Variants in TPSD1 observed in about 807,000 individuals in gnomAD.
TPSD1 encodes tryptase delta 1.
TPSD1 carries 30 observed loss-of-function variants against 25.4 expected under a neutral mutation model. The observed-to-expected ratio is 1.18, with a 90% CI of 0.88 to 1.60. TPSD1 has a LOEUF of 1.60. TPSD1 is among the 40% of genes most tolerant of loss of function. The pLI is 0.00. For synonymous variants in TPSD1, 176 were observed against 149.4 expected (o/e 1.18, Z -1.30); for missense variants, 420 against 324.2 (o/e 1.30, Z -2.27).
At position 1,256,280 on chromosome 16, in the gene TPSD1, G is replaced by T; in HGVS notation, c.-1G>T. The T allele has an allele frequency of 6.2e-7, 1 of 1,613,490 alleles. No homozygotes were observed. Among genetic ancestry groups the T allele is most frequent in the East Asian group, 2.2e-5 (1 of 44,878 alleles). The stretch of plus-strand genomic sequence containing the variant: ...CCCTGTGAGGCCCGGCCAGGCCCAC[G>T]ATGCTCCTCCTTGCTCCCCAGATGC... On this transcript the variant is annotated 5_prime_UTR_variant, in exon 1 of 5. Transcript: ENST00000211076.
Position 1,256,824 on chromosome 16 carries a change from G to T in TPSD1, c.282G>T (p.Arg94Ser). The change falls in exon 3 of 5, where the codon AGG (arginine) becomes AGT (serine). Residue 94 changes from arginine (R) to serine (S), a missense_variant. Coordinates refer to ENST00000211076, the MANE Select transcript of TPSD1 (RefSeq NM_012217.3). ...EPDIKDLAALRVQLREQHLYY... is the reference protein window; with the variant it reads ...EPDIKDLAALSVQLREQHLYY... ...ACATCAAGGATCTGGCCGCCCTCAG[G>T]GTGCAACTGCGGGAGCAGCACCTCT... 6.2e-7 allele frequency: 1 copy of T among 1,611,858 alleles called. No homozygotes were observed. Among genetic ancestry groups the T allele is most frequent in the Non-Finnish European group, 8.5e-7 (1 of 1,179,304 alleles).
At position 1,258,567 on chromosome 16, in the gene TPSD1, A is replaced by T; in HGVS notation, c.*191A>T. 1 of 1,552,136 alleles carries T rather than the reference A, an allele frequency of 6.4e-7. No individual in the cohort carries two copies. The highest frequency in any genetic ancestry group is 8.7e-7 in the Non-Finnish European group (1 of 1,142,930). ...CCTGTCCAAACCACCACTGCTTCCT[A>T]CCCAGGTGGTGACTGCCCCCCACAC... is the stretch of plus-strand genomic sequence containing the variant. On this transcript the variant is annotated 3_prime_UTR_variant, in exon 5 of 5. Coordinates refer to ENST00000211076, the MANE Select transcript of TPSD1 (RefSeq NM_012217.3).
intron 3 of TPSD1, chr16:1,257,403 C>T (rs35116045): frequency 0.38 from 150,454 of 397,854 alleles, 30,525 homozygotes; most frequent in Middle Eastern, 0.57. Flanking sequence ...AGGAGAGAGA[C>T]CGGTGCTGGG....
In TPSD1 at chr16:1,258,068, C is replaced by T. The variant is rs541658978; in HGVS notation, c.530C>T (p.Pro177Leu). The change falls in exon 4 of 5, where the codon CCG becomes CTG. Residue 177 changes from proline to leucine, a missense_variant. Physicochemically the swap from Pro to Leu is moderately conservative, Grantham distance 98. Coordinates refer to ENST00000211076, the MANE Select transcript of TPSD1 (RefSeq NM_012217.3). ...CCCCCTCCGCCCCCAGTGCACCTGC[C>T]GCCGCCATACCCGCTGAAGGAGGTG... ...WGDVDNNVHL[P>L]PPYPLKEVEV... is the part of the protein sequence containing the mutation. 8 of 1,581,750 alleles carry T rather than the reference C, an allele frequency of 5.1e-6. No homozygotes were observed. The highest frequency in any genetic ancestry group is 1.3e-5 in the African/African-American group (1 of 74,400).
Position 1,258,203 on chromosome 16 carries a change from A to G in TPSD1, c.665A>G (p.Glu222Gly), listed in dbSNP as rs778048499. 1.2e-6 allele frequency: 2 copies of G among 1,612,714 alleles called. No individual in the cohort carries two copies. Among genetic ancestry groups the G allele is most frequent in the Non-Finnish European group, 1.7e-6 (2 of 1,179,870 alleles). Reference protein sequence around the residue: ...VRDDMLCAGSENHDSCQGDSG... With the variant: ...VRDDMLCAGSGNHDSCQGDSG... ...GATGACATGCTGTGTGCGGGGAGCG[A>G]AAATCACGACTCCTGCCAGGTGGGC... is the stretch of plus-strand genomic sequence containing the variant. The change falls in exon 4 of 5, where the codon GAA becomes GGA. Residue 222 changes from glutamate (E) to glycine (G), a missense_variant. Physicochemically the swap from Glu to Gly is moderately conservative, Grantham distance 98. Coordinates refer to ENST00000211076, the MANE Select transcript of TPSD1 (RefSeq NM_012217.3).
At position 1,258,688 on chromosome 16, in the gene TPSD1, TCCCCCACCCTGA is replaced by T; in HGVS notation, c.*313_*324del. The stretch of plus-strand genomic sequence containing the variant: ...GATCCCCTCCCCCATCCTGAGCCCC[TCCCCCACCCTGA>T]GCCCCTTCCCCTTTCTTGAGCCCCC... On this transcript the variant is annotated 3_prime_UTR_variant, in exon 5 of 5. Coordinates refer to ENST00000211076, the MANE Select transcript of TPSD1 (RefSeq NM_012217.3). The T allele has an allele frequency of 4.8e-6, 1 of 209,974 alleles. No homozygotes were observed. Among genetic ancestry groups the T allele is most frequent in the Non-Finnish European group, 8.4e-6 (1 of 118,352 alleles). 13.0% of individuals were successfully genotyped at this position (209,974 alleles called of 1,614,324 possible).
At chr16:1,257,315 C>A (rs1180444284) in intron 3 of TPSD1, 29 of 569,488 alleles carry the variant, frequency 5.1e-5, no homozygotes, top group Non-Finnish European at 8.4e-5. Flanking sequence ...TTTCCCCTTG[C>A]CTGAAAGGGT....
At position 1,256,792 on chromosome 16, in the gene TPSD1, C is replaced by A; in HGVS notation, c.255-5C>A. ...GGGCCCTGAGTGGGATCCTCCGCTG[C>A]CCAGGGACATCAAGGATCTGGCCGC... On this transcript the variant is annotated splice_region_variant and splice_polypyrimidine_tract_variant and intron_variant, in intron 2 of 4. Coordinates refer to ENST00000211076, the MANE Select transcript of TPSD1 (RefSeq NM_012217.3). 2 of 1,612,380 alleles carry A rather than the reference C, an allele frequency of 1.2e-6. No individual in the cohort carries two copies. Among genetic ancestry groups the A allele is most frequent in the Non-Finnish European group, 8.5e-7 (1 of 1,179,896 alleles).
At chr16:1,256,771 C>T in intron 2 of TPSD1, 26 bp from the exon 3 acceptor site, 1 of 1,612,166 alleles carries the variant, frequency 6.2e-7, no homozygotes, top group Non-Finnish European at 8.5e-7. Flanking sequence ...TGCCCAGGGC[C>T]CTGAGTGGGA....
intron 3 of TPSD1, chr16:1,257,844 C>T: frequency 1.6e-6 from 1 of 615,286 alleles, no homozygotes; most frequent in South Asian, 2.0e-5. Flanking sequence ...CCCTCCCCTC[C>T]CTTCCCCAGA....
At chr16:1,257,154 G>A in intron 3 of TPSD1, 92 bp downstream of exon 3, 3 of 1,470,336 alleles carry the variant, frequency 2.0e-6, no homozygotes, top group Non-Finnish European at 2.7e-6. Context: ...CCTCAGGGCG[G>A]CTCAGGGAGG....
At position 1,258,396 on chromosome 16, in the gene TPSD1, G is replaced by C. The variant is rs560642734; in HGVS notation, c.*20G>C. ...ACCTAACTGCAGGCGGGCGTGGTCAGCTGGGAGGAGAGCTGTGCCCAGCCC... is the reference window on the plus strand; with the variant it reads ...ACCTAACTGCAGGCGGGCGTGGTCACCTGGGAGGAGAGCTGTGCCCAGCCC... On this transcript the variant is annotated 3_prime_UTR_variant, in exon 5 of 5. Transcript: ENST00000211076. 6.2e-7 allele frequency: 1 copy of C among 1,613,772 alleles called. No individual in the cohort carries two copies. Among genetic ancestry groups the C allele is most frequent in the South Asian group, 1.1e-5 (1 of 91,084 alleles).
chr16:1,257,188 T>C, intron 3 of TPSD1, 126 bp downstream of exon 3: 2 of 1,341,600 alleles, frequency 1.5e-6, no homozygotes, highest in Non-Finnish European at 2.0e-6. Context: ...CCAGGATGGA[T>C]GGAGCAGGCG....
At position 1,256,246 on chromosome 16, in the gene TPSD1, C is replaced by G. The variant is rs763888141; in HGVS notation, c.-35C>G. On this transcript the variant is annotated 5_prime_UTR_variant, in exon 1 of 5. Transcript: ENST00000211076. Reference sequence around the variant, plus strand: ...TTCTTCACCCCACAATCTGTAGCCCCCAGCCCTGCCCTGTGAGGCCCGGCC... The same window carrying G: ...TTCTTCACCCCACAATCTGTAGCCCGCAGCCCTGCCCTGTGAGGCCCGGCC... 78 of 1,612,650 alleles carry G rather than the reference C, an allele frequency of 4.8e-5. No individual in the cohort carries two copies. The highest frequency in any genetic ancestry group is 6.2e-5 in the Non-Finnish European group (73 of 1,179,674).
intron 3 of TPSD1, chr16:1,257,266 C>G (rs2030996291): frequency 1.4e-6 from 1 of 708,150 alleles, no homozygotes; most frequent in Non-Finnish European, 2.3e-6. Flanking sequence ...TCCCCCACCC[C>G]AGGGGTTTGG....
At chr16:1,256,725 G>A (rs1295300284) in intron 2 of TPSD1, 38 bp downstream of exon 2, 1 of 1,611,812 alleles carries the variant, frequency 6.2e-7, no homozygotes, top group African/African-American at 1.3e-5. Flanking sequence ...GGCAAGGGCT[G>A]GATGTGAGCC....
chr16:1,256,856 A>C lies in TPSD1; in HGVS notation c.314A>C (p.Gln105Pro), dbSNP rs1241459107. The change falls in exon 3 of 5, where the codon CAG becomes CCG. Residue 105 changes from glutamine (Q) to proline (P), a missense_variant. By Grantham distance (76) the Gln-to-Pro change is moderately conservative. Transcript: ENST00000211076. Reference protein sequence around the residue: ...VQLREQHLYYQDQLLPVSRII... With the variant: ...VQLREQHLYYPDQLLPVSRII... ...CTGCGGGAGCAGCACCTCTACTACC[A>C]GGACCAGCTGCTGCCGGTCAGCAGG... 9.3e-6 allele frequency: 15 copies of C among 1,613,322 alleles called. No individual in the cohort carries two copies. Among genetic ancestry groups the C allele is most frequent in the Non-Finnish European group, 1.3e-5 (15 of 1,180,008 alleles).
intron 4 of TPSD1, 29 bp downstream of exon 4, chr16:1,258,251 C>G (rs1290367923): frequency 6.2e-7 from 1 of 1,612,688 alleles, no homozygotes; most frequent in South Asian, 1.1e-5. Flanking sequence ...CACCCCAATC[C>G]CCGGAGCCTG....
chr16:1,256,774 G>T, intron 2 of TPSD1, 23 bp from the exon 3 acceptor site: 2 of 1,612,156 alleles, frequency 1.2e-6, no homozygotes, highest in Non-Finnish European at 1.7e-6. Context: ...CCAGGGCCCT[G>T]AGTGGGATCC....
Sources: allele counts gnomAD v4.1 joint callset, GRCh38; gene constraint gnomAD v4.1.1; transcripts MANE v1.5; gene names NCBI Gene and HGNC (gene_info 2026-07-23, HGNC 2026-07-21).